PDE11A: variants seen among roughly 807,000 people sequenced by gnomAD.
PDE11A encodes the protein phosphodiesterase 11A.
In PDE11A, 100 loss-of-function variants were observed where a neutral mutation model predicts 100.5. The ratio of observed to expected loss-of-function variants is 1.00; its 90% confidence interval spans 0.85 to 1.18. The LOEUF is 1.18. PDE11A is among the 50% of genes most tolerant of loss of function. The probability of loss-of-function intolerance (pLI) is 0.00; values close to 1 mark genes in which losing one functional copy is unlikely to be tolerated. For synonymous variants in PDE11A, 381 were observed against 420.8 expected (o/e 0.91, Z 1.16); for missense variants, 1,141 against 1,152.6 (o/e 0.99, Z 0.15).
chr2:177,644,725 C>G (rs1011011289), intron 19 of PDE11A, among the ~76,000 whole-genome samples: 1 of 152,154 alleles, frequency 6.6e-6, no homozygotes, highest in African/African-American at 2.4e-5. Flanking sequence ...GTGTCCCCAC[C>G]AAAATCTCAT....
chr2:177,641,426 CA>C lies in PDE11A; in HGVS notation c.2647-11865del, dbSNP rs3056858. Among the ~76,000 whole-genome samples, 364 of 136,026 alleles carry C rather than the reference CA, an allele frequency of 2.7e-3. 2 individuals carry two copies. The highest frequency in any genetic ancestry group is 3.9e-3 in the Non-Finnish European group (250 of 64,184). 89.2% of individuals were successfully genotyped at this position (136,026 alleles called of 152,430 possible). A position where few individuals can be genotyped will look rare whatever the true frequency, so the allele number is the denominator to read the frequency against. Reference sequence around the variant, plus strand: ...TATGCATTTTCACGTTTTACTGAGTCAAAAAAAAAAAAAAAGCTAGACTCCA... The same window carrying C: ...TATGCATTTTCACGTTTTACTGAGTCAAAAAAAAAAAAAAGCTAGACTCCA... On this transcript the variant is annotated intron_variant, in intron 19 of 19. Coordinates refer to ENST00000286063, the MANE Select transcript of PDE11A (RefSeq NM_016953.4).
chr2:177,748,707 GT>G (rs1398786108), intron 10 of PDE11A, among the ~76,000 whole-genome samples: 3 of 151,982 alleles, frequency 2.0e-5, no homozygotes, highest in Non-Finnish European at 2.9e-5. Flanking sequence ...CTGACTCTAG[GT>G]TTTTACTAGT....
At chr2:177,752,159 GTATTTCA>G (rs2082034117) in intron 10 of PDE11A, among the ~76,000 whole-genome samples, 1 of 152,170 alleles carries the variant, frequency 6.6e-6, no homozygotes, top group Non-Finnish European at 1.5e-5. Context: ...GACTCTCAGT[GTATTTCA>G]TATCATCTCC....
intron 2 of PDE11A, among the ~76,000 whole-genome samples, chr2:177,979,611 C>CTTTTTTTTTTTTTTT (rs57168619): frequency 1.9e-5 from 2 of 106,882 alleles, no homozygotes; most frequent in Non-Finnish European, 3.6e-5. Context: ...CTCAGATGAT[C>CTTTTTTTTTTTTTTT]TTTTTTTTTT....
At chr2:177,853,670 ATATATATATATGTGTGTG>A (rs1418632961) in intron 5 of PDE11A, among the ~76,000 whole-genome samples, 4 of 33,088 alleles carry the variant, frequency 1.2e-4, no homozygotes, top group Admixed American at 9.2e-4. Context: ...ATATATATAT[ATATATATATATGTGTGTG>A]TGTGTGTGTG....
rs546796704 is a variant in PDE11A at position 177,664,477 on chromosome 2, T to A, written c.2563-528A>T. On this transcript the variant is annotated intron_variant, in intron 18 of 19. Transcript: ENST00000286063. The stretch of plus-strand genomic sequence containing the variant: ...TAAGGTTCTGTCATTAATAAATTTT[T>A]AAATATTTATTTATCATTGTATGGA... Among the ~76,000 whole-genome samples the A allele has an allele frequency of 9.2e-5, 14 of 152,322 alleles. No homozygotes were observed. In the East Asian group the frequency reaches 1.9e-3, roughly 21 times the overall value.
chr2:177,922,001 T>A (rs1456276376), intron 2 of PDE11A: 2 of 152,194 alleles, frequency 1.3e-5, no homozygotes, highest in East Asian at 3.8e-4. Flanking sequence ...ATCATTAAAA[T>A]ATCTTACTTT....
chr2:177,930,712 C>G (rs1454070686), intron 2 of PDE11A, among the ~76,000 whole-genome samples: 1 of 152,144 alleles, frequency 6.6e-6, no homozygotes, highest in African/African-American at 2.4e-5. Flanking sequence ...CGGAAATGGC[C>G]AAACACAGAG....
chr2:177,869,277 A>T, intron 5 of PDE11A, among the ~76,000 whole-genome samples: 1 of 152,206 alleles, frequency 6.6e-6, no homozygotes, highest in East Asian at 1.9e-4. Context: ...TCAGGCTCTT[A>T]TAAGACCAAA....
At chr2:177,633,710 G>A (rs2079991213) in intron 19 of PDE11A, among the ~76,000 whole-genome samples, 1 of 152,180 alleles carries the variant, frequency 6.6e-6, no homozygotes, top group Non-Finnish European at 1.5e-5. Context: ...TTAGACAATA[G>A]TGTGAGGGAG....
rs1331021864 is a variant in PDE11A at position 178,015,670 on chromosome 2, G to GGGTATTTGGGGAGT, written c.913-1211_913-1210insACTCCCCAAATACC. On this transcript the variant is annotated intron_variant, in intron 1 of 19. Transcript: ENST00000286063. ...ATGCTGCAGAATGTCCTTATTCTTAGGATATACATGCTAGGGTATTTGGGG... is the reference window on the plus strand; with the variant it reads ...ATGCTGCAGAATGTCCTTATTCTTAGGGTATTTGGGGAGTGATATACATGCTAGGGTATTTGGGG... Among the ~76,000 whole-genome samples the GGGTATTTGGGGAGT allele has an allele frequency of 2.6e-5, 4 of 151,966 alleles. No individual in the cohort carries two copies. The East Asian group carries it at 7.7e-4, about 29-fold the overall frequency.
intron 1 of PDE11A, chr2:178,105,831 C>A: frequency 2.1e-6 from 1 of 484,866 alleles, no homozygotes; most frequent in Non-Finnish European, 3.1e-6. Context: ...GGCCAGATTT[C>A]TGCAATAAAC....
intron 2 of PDE11A, among the ~76,000 whole-genome samples, chr2:178,096,164 C>CTTTTTTTTTTTTTT (rs1257178630): frequency 5.3e-4 from 58 of 110,228 alleles, no homozygotes; most frequent in African/African-American, 7.7e-4. Context: ...TTTTTCTTTT[C>CTTTTTTTTTTTTTT]TTTTCTTTTT....
At chr2:177,820,134 G>T in intron 7 of PDE11A, 86 bp downstream of exon 7, 1 of 759,040 alleles carries the variant, frequency 1.3e-6, no homozygotes, top group Non-Finnish European at 2.4e-6. Context: ...TAAAAAGAGG[G>T]AACACATAAA....
chr2:177,966,179 A>C (rs186091540), intron 2 of PDE11A, among the ~76,000 whole-genome samples: 69 of 152,130 alleles, frequency 4.5e-4, no homozygotes, highest in African/African-American at 1.7e-3. Context: ...GTATATAGAA[A>C]CGTTATTGAT....
chr2:177,663,459 T>C (rs1052307346), intron 19 of PDE11A, among the ~76,000 whole-genome samples: 1 of 150,576 alleles, frequency 6.6e-6, no homozygotes, highest in Non-Finnish European at 1.5e-5. Flanking sequence ...AAAATTTCCA[T>C]GGTCAAATAT....
intron 19 of PDE11A, among the ~76,000 whole-genome samples, chr2:177,650,935 C>A (rs992315653): frequency 6.6e-6 from 1 of 152,190 alleles, no homozygotes; most frequent in African/African-American, 2.4e-5. Context: ...CTAACACCTG[C>A]ACATACATTA....
chr2:177,683,402 T>C (rs982973498), intron 15 of PDE11A: 3 of 152,294 alleles, frequency 2.0e-5, no homozygotes, highest in Non-Finnish European at 4.4e-5. Flanking sequence ...CTTTCTTATC[T>C]TCTTCACTTG....
At chr2:178,008,891 C>T (rs1212051379) in intron 2 of PDE11A, among the ~76,000 whole-genome samples, 1 of 152,182 alleles carries the variant, frequency 6.6e-6, no homozygotes, top group Non-Finnish European at 1.5e-5. Context: ...CACTCTGAAT[C>T]ATGAGCTGAA....
Sources: gnomAD v4.1 joint callset for allele counts (sites outside exome capture counted in the v4.1 genomes callset) on GRCh38, gnomAD v4.1.1 for gene constraint, MANE v1.5 for transcripts, NCBI Gene and HGNC (gene_info 2026-07-23, HGNC 2026-07-21) for gene names.